The following NEMF variants were observed in gnomAD, a reference collection of about 807,000 sequenced individuals.
NEMF encodes the protein ribosome quality control complex subunit NEMF.
Under a neutral mutation model 162.2 loss-of-function variants are expected in NEMF, and 89 were observed. The observed-to-expected ratio is 0.55, with a 90% confidence interval of 0.46 to 0.65. The LOEUF is 0.65. Among genes scored for constraint, NEMF ranks in the 30% least tolerant of loss-of-function variants. NEMF has a pLI of 0.00. For synonymous variants in NEMF, 421 were observed against 404.5 expected, an observed-to-expected ratio of 1.04 and a Z score of -0.49; for missense variants, 1,133 against 1,261.9, an observed-to-expected ratio of 0.90 and a Z score of 1.55.
chr14:49,786,874 G>C, intron 28 of NEMF, 124 bp from the exon 29 acceptor site: 3 of 817,006 alleles, frequency 3.7e-6, no homozygotes, highest in Non-Finnish European at 1.9e-6. Context: ...CCACAGGATA[G>C]GGGGCCTCAA....
chr14:49,819,529 C>G (rs1811627556), intron 16 of NEMF, among the ~76,000 whole-genome samples: 1 of 152,008 alleles, frequency 6.6e-6, no homozygotes, highest in African/African-American at 2.4e-5. Context: ...ATCCTCCCAC[C>G]TCAGCCTTTC....
intron 16 of NEMF, among the ~76,000 whole-genome samples, chr14:49,822,469 C>A (rs890757218): frequency 2.0e-5 from 3 of 149,942 alleles, no homozygotes; most frequent in African/African-American, 7.4e-5. Context: ...TGCAGTGAGC[C>A]AAGATCGCAC....
At position 49,846,231 on chromosome 14, in the gene NEMF, C is replaced by T; in HGVS notation, c.266G>A (p.Ser89Asn). Residue 89 changes from serine to asparagine, a missense_variant, in exon 4 of 33, where the codon AGT (serine) becomes AAT (asparagine). Transcript: ENST00000298310. ...RKHLKSRRLV[S>N]AKQLGVDRIV... The stretch of plus-strand genomic sequence containing the variant: ...TCTATCCACACCAAGCTGTTTTGCA[C>T]TGACTAATCTCCGACTCTTCAAATG... 1.2e-6 allele frequency: 2 copies of T among 1,613,488 alleles called. No individual in the cohort carries two copies. The highest frequency in any genetic ancestry group is 2.2e-5 in the East Asian group (1 of 44,858).
intron 4 of NEMF, among the ~76,000 whole-genome samples, chr14:49,845,819 C>T (rs944550583): frequency 6.6e-6 from 1 of 152,220 alleles, no homozygotes; most frequent in Non-Finnish European, 1.5e-5. Context: ...TACAGCGCAT[C>T]AGTGCATGAC....
intron 3 of NEMF, among the ~76,000 whole-genome samples, chr14:49,849,333 G>A (rs1370228191): frequency 3.3e-5 from 5 of 152,166 alleles, no homozygotes; most frequent in Non-Finnish European, 5.9e-5. Flanking sequence ...GAGTACAGAT[G>A]GACACATAGT....
At chr14:49,850,995 C>T (rs188010095) in intron 3 of NEMF, among the ~76,000 whole-genome samples, 41 of 152,184 alleles carry the variant, frequency 2.7e-4, no homozygotes, top group South Asian at 1.2e-3. Flanking sequence ...CCTGAGGTCA[C>T]GCATTTGAGA....
intron 29 of NEMF, 55 bp from the exon 30 acceptor site, chr14:49,785,375 A>T (rs1271319202): frequency 5.1e-6 from 6 of 1,165,574 alleles, no homozygotes; most frequent in Non-Finnish European, 7.8e-6. Flanking sequence ...TTTACAAAAA[A>T]TGCTAAAACA....
In NEMF at chr14:49,782,585, C is replaced by T. The variant is rs1478535502; in HGVS notation, c.*2051G>A. 1.9e-6 allele frequency: 3 copies of T among 1,604,960 alleles called. No homozygotes were observed. The highest frequency in any genetic ancestry group is 2.6e-6 in the Non-Finnish European group (3 of 1,173,802). ...CTAATATTTTCAGTTCAACCAAAAT[C>T]TCTTGTACGGTAAGTAACTTTGTAC... On this transcript the variant is annotated 3_prime_UTR_variant, in exon 33 of 33. Transcript: ENST00000298310.
intron 26 of NEMF, among the ~76,000 whole-genome samples, chr14:49,794,000 A>G (rs1239479386): frequency 2.6e-5 from 4 of 151,886 alleles, no homozygotes; most frequent in Non-Finnish European, 5.9e-5. Context: ...CCGTTTTCAC[A>G]TGGTTAGCCA....
Position 49,782,288 on chromosome 14 carries a change from T to TATTTCATAGCTCTATTCTGTAGTATA in NEMF, c.*2322_*2347dup. ...GAACTACCTTAAGATCGCTAGTCTT[T>TATTTCATAGCTCTATTCTGTAGTATA]ATTTCATAGCTCTATTCTGTAGTAT... On this transcript the variant is annotated 3_prime_UTR_variant, in exon 33 of 33. Coordinates refer to ENST00000298310, the MANE Select transcript of NEMF (RefSeq NM_004713.6). 1 of 842,546 alleles carries TATTTCATAGCTCTATTCTGTAGTATA rather than the reference T, an allele frequency of 1.2e-6. No homozygotes were observed. Among genetic ancestry groups the TATTTCATAGCTCTATTCTGTAGTATA allele is most frequent in the Non-Finnish European group, 1.9e-6 (1 of 526,874 alleles). The allele number at this position is 842,546 out of a possible 1,614,324, so 52.2% of individuals were successfully genotyped here.
chr14:49,845,319 CCTGACCCCAGGTGAT>C (rs1199273274), intron 4 of NEMF, among the ~76,000 whole-genome samples: 4 of 152,036 alleles, frequency 2.6e-5, no homozygotes, highest in Admixed American at 6.6e-5. Context: ...GTCTTGAACT[CCTGACCCCAGGTGAT>C]CTGACCCCAG....
At chr14:49,811,074 T>A (rs1436765355) in intron 18 of NEMF, among the ~76,000 whole-genome samples, 1 of 152,244 alleles carries the variant, frequency 6.6e-6, no homozygotes, top group Non-Finnish European at 1.5e-5. Context: ...AGAACAATAT[T>A]AAGACTTCCA....
intron 6 of NEMF, among the ~76,000 whole-genome samples, chr14:49,835,203 G>A (rs996216238): frequency 7.0e-5 from 7 of 100,300 alleles, no homozygotes; most frequent in African/African-American, 2.4e-4. Flanking sequence ...TCCGTCCCCC[G>A]CCCCACCCCG....
chr14:49,828,195 G>A, intron 15 of NEMF, 96 bp downstream of exon 15: 1 of 897,162 alleles, frequency 1.1e-6, no homozygotes, highest in Non-Finnish European at 1.8e-6. Flanking sequence ...AGATACTTCT[G>A]AATTAGAAAA....
chr14:49,808,388 T>G (rs1291834280), intron 18 of NEMF, among the ~76,000 whole-genome samples: 1 of 152,248 alleles, frequency 6.6e-6, no homozygotes, highest in East Asian at 1.9e-4. Flanking sequence ...TTGGCCAGGC[T>G]GGTCTCGAAC....
rs1020309875 is a variant in NEMF at position 49,828,794 on chromosome 14, A to C, written c.1246T>G (p.Leu416Val). The C allele has an allele frequency of 6.5e-7, 1 of 1,538,052 alleles. No homozygotes were observed. Among genetic ancestry groups the C allele is most frequent in the African/African-American group, 1.4e-5 (1 of 71,796 alleles). Residue 416 changes from leucine to valine, a missense_variant, in exon 14 of 33, where the codon TTA (leucine) becomes GTA (valine). This residue lies in a region of NEMF where 582 missense variants were observed against 631.5 expected (regional missense o/e 0.92). Coordinates refer to ENST00000298310, the MANE Select transcript of NEMF (RefSeq NM_004713.6). ...ACATCATCATCTTCCTCCTCTGATA[A>C]CAAGTATGGATTTCTATTAAAAATA... ...VTMLLRNPYL[L>V]SEEEDDDVDG...
intron 4 of NEMF, among the ~76,000 whole-genome samples, chr14:49,842,380 C>T (rs1041289827): frequency 2.0e-5 from 3 of 152,088 alleles, no homozygotes; most frequent in Non-Finnish European, 2.9e-5. Context: ...GAATTAAAGA[C>T]TTTTTAAAAT....
Position 49,816,545 on chromosome 14 carries a change from G to A in NEMF, c.1578-1688C>T, listed in dbSNP as rs185382325. On this transcript the variant is annotated intron_variant, in intron 16 of 32. Coordinates refer to ENST00000298310, the MANE Select transcript of NEMF (RefSeq NM_004713.6). ...CTCAGGTGGGCATCATGGTCCTACG[G>A]ATACGTGATGTCACCCCCAGCAGCC... Among the ~76,000 whole-genome samples, 555 of 152,270 alleles carry A rather than the reference G, an allele frequency of 3.6e-3. 3 individuals are homozygous for A. The highest frequency in any genetic ancestry group is 0.013 in the African/African-American group (530 of 41,550).
At chr14:49,808,091 A>G (rs1317345411) in intron 18 of NEMF, among the ~76,000 whole-genome samples, 1 of 152,076 alleles carries the variant, frequency 6.6e-6, no homozygotes, top group Non-Finnish European at 1.5e-5. Flanking sequence ...GACTCATCAG[A>G]TATATGATTT....
Sources: gnomAD v4.1 joint callset for allele counts (sites outside exome capture counted in the v4.1 genomes callset) on GRCh38, gnomAD v4.1.1 for gene constraint, gnomAD v4.1.1 regional missense constraint, MANE v1.5 for transcripts, NCBI Gene and HGNC (gene_info 2026-07-23, HGNC 2026-07-21) for gene names.